RPS6KC1: variants seen among roughly 807,000 people sequenced by gnomAD.
The protein encoded by RPS6KC1 is inactive ribosomal protein S6 kinase delta-1.
RPS6KC1 carries 54 observed loss-of-function variants against 103.8 expected under a neutral mutation model. The ratio of observed to expected loss-of-function variants is 0.52; its 90% CI spans 0.42 to 0.65. The LOEUF is 0.65. RPS6KC1 is among the 30% of genes least tolerant of loss of function. RPS6KC1 has a pLI of 0.00. For synonymous variants in RPS6KC1, 439 were observed against 438.7 expected, an observed-to-expected ratio of 1.00 and a Z score of -0.01; for missense variants, 1,151 against 1,253.8, an observed-to-expected ratio of 0.92 and a Z score of 1.24.
the RPS6KC1 span, among the ~76,000 whole-genome samples, chr1:213,384,251 G>T: frequency 6.6e-6 from 1 of 151,692 alleles, no homozygotes; most frequent in Admixed American, 6.6e-5. Context: ...ACTCCAGCCT[G>T]AGTGACAGAG....
the RPS6KC1 span, among the ~76,000 whole-genome samples, chr1:213,497,048 T>C: frequency 6.6e-6 from 1 of 152,260 alleles, no homozygotes; most frequent in Admixed American, 6.5e-5. Flanking sequence ...CTATGCATCA[T>C]GAACATTGTA....
At chr1:213,649,117 G>A in the RPS6KC1 span, among the ~76,000 whole-genome samples, 1 of 151,982 alleles carries the variant, frequency 6.6e-6, no homozygotes, top group South Asian at 2.1e-4. Flanking sequence ...CATTGCCCTG[G>A]GCTCTTGCTC....
intron 8 of RPS6KC1, among the ~76,000 whole-genome samples, chr1:213,186,241 C>G (rs1409578881): frequency 6.7e-6 from 1 of 150,168 alleles, no homozygotes; most frequent in Non-Finnish European, 1.5e-5. Flanking sequence ...GAAGAACTCC[C>G]TTTAGCATTT....
At chr1:213,749,235 G>A in the RPS6KC1 span, among the ~76,000 whole-genome samples, 2 of 152,196 alleles carry the variant, frequency 1.3e-5, no homozygotes, top group Non-Finnish European at 2.9e-5. Flanking sequence ...CAGACTCATT[G>A]ATGAGCATCT....
At chr1:213,475,873 G>A in the RPS6KC1 span, among the ~76,000 whole-genome samples, 1 of 152,176 alleles carries the variant, frequency 6.6e-6, no homozygotes, top group Admixed American at 6.5e-5. Flanking sequence ...CAGACAGAAA[G>A]TTTGAAACCT....
At chr1:213,824,102 C>A in the RPS6KC1 span, among the ~76,000 whole-genome samples, 2 of 152,194 alleles carry the variant, frequency 1.3e-5, no homozygotes, top group East Asian at 1.9e-4. Flanking sequence ...CCCATAAAGA[C>A]AAGGGCAATG....
intron 8 of RPS6KC1, among the ~76,000 whole-genome samples, chr1:213,177,711 GAAGACAATATAGT>G (rs2091965036): frequency 1.3e-5 from 2 of 152,136 alleles, no homozygotes; most frequent in African/African-American, 4.8e-5. Flanking sequence ...GAGAGTAGAT[GAAGACAATATAGT>G]AATTGAGTAG....
At chr1:213,166,617 T>C (rs1029999278) in intron 6 of RPS6KC1, among the ~76,000 whole-genome samples, 1 of 152,012 alleles carries the variant, frequency 6.6e-6, no homozygotes, top group African/African-American at 2.4e-5. Flanking sequence ...CAATAGAAAT[T>C]TTCCCCCCAC....
the RPS6KC1 span, among the ~76,000 whole-genome samples, chr1:213,853,394 A>G: frequency 7.2e-5 from 11 of 152,188 alleles, no homozygotes; most frequent in Non-Finnish European, 1.6e-4. Context: ...TTTGAGCCCC[A>G]AATGCTTCAT....
chr1:213,116,188 A>G (rs532894428), intron 4 of RPS6KC1, among the ~76,000 whole-genome samples: 253 of 152,138 alleles, frequency 1.7e-3, no homozygotes, highest in African/African-American at 5.8e-3. Context: ...GTGGTAGTCT[A>G]AGTCTCTTTG....
At chr1:213,065,339 T>G (rs2078235519) in intron 1 of RPS6KC1, among the ~76,000 whole-genome samples, 1 of 152,200 alleles carries the variant, frequency 6.6e-6, no homozygotes, top group South Asian at 2.1e-4. Context: ...ATTTATTGGT[T>G]GAACTTTGTG....
At chr1:213,751,753 A>G in the RPS6KC1 span, among the ~76,000 whole-genome samples, 3 of 152,216 alleles carry the variant, frequency 2.0e-5, no homozygotes, top group Non-Finnish European at 4.4e-5. Flanking sequence ...AGATATGAAG[A>G]CTTTACATAT....
chr1:213,576,219 T>C, the RPS6KC1 span, among the ~76,000 whole-genome samples: 1 of 152,016 alleles, frequency 6.6e-6, no homozygotes, highest in African/African-American at 2.4e-5. Context: ...ATAAAAATAA[T>C]AATACAACAA....
the RPS6KC1 span, among the ~76,000 whole-genome samples, chr1:213,862,034 C>CG: frequency 3.1e-4 from 47 of 152,196 alleles, 1 homozygote; most frequent in South Asian, 9.3e-3. Context: ...GGCTAGAAAG[C>CG]GGGGGGCAGG....
chr1:213,627,568 A>G, the RPS6KC1 span, among the ~76,000 whole-genome samples: 1 of 152,086 alleles, frequency 6.6e-6, no homozygotes, highest in Non-Finnish European at 1.5e-5. Flanking sequence ...TTTGTCATAG[A>G]TAGCTCTTAT....
intron 1 of RPS6KC1, among the ~76,000 whole-genome samples, chr1:213,067,424 C>G (rs1041753100): frequency 1.4e-4 from 22 of 152,324 alleles, no homozygotes; most frequent in Non-Finnish European, 2.6e-4. Context: ...TCCAAAAAAA[C>G]TGTCCGTGGG....
At chr1:213,132,051 T>C (rs375109181) in intron 6 of RPS6KC1, among the ~76,000 whole-genome samples, 2 of 152,242 alleles carry the variant, frequency 1.3e-5, no homozygotes, top group South Asian at 4.1e-4. Flanking sequence ...AAATCTGTGC[T>C]TCAAAATGAG....
chr1:213,470,611 ATTTTT>A, the RPS6KC1 span, among the ~76,000 whole-genome samples: 1 of 99,806 alleles, frequency 1.0e-5, no homozygotes. Flanking sequence ...TTTATTCTTA[ATTTTT>A]TTTTTTTTTT....
chr1:213,121,423 ACTCTTTAT>A (rs2084371974), intron 5 of RPS6KC1, among the ~76,000 whole-genome samples: 1 of 152,190 alleles, frequency 6.6e-6, no homozygotes, highest in African/African-American at 2.4e-5. Flanking sequence ...AATCCTGGTT[ACTCTTTAT>A]CTCCTTTGTT....
Sources: gnomAD v4.1 joint callset for allele counts (sites outside exome capture counted in the v4.1 genomes callset) on GRCh38, gnomAD v4.1.1 for gene constraint, MANE v1.5 for transcripts, NCBI Gene and HGNC (gene_info 2026-07-23, HGNC 2026-07-21) for gene names.